Variants in RBM26 observed in about 807,000 individuals in gnomAD.
RBM26 encodes the protein RNA-binding protein 26.
Under a neutral mutation model 123.6 loss-of-function variants are expected in RBM26, and 30 were observed. That is an observed-to-expected ratio of 0.24 (90% CI 0.18 to 0.33). The LOEUF (loss-of-function observed/expected upper bound fraction) is 0.33. Among genes scored for constraint, RBM26 ranks in the 10% least tolerant of loss-of-function variants. The pLI, the probability that RBM26 is intolerant of heterozygous loss-of-function variation, is 1.00. For missense variants in RBM26, 947 were observed against 1,203.6 expected, an observed-to-expected ratio of 0.79 and a Z score of 3.15; for synonymous variants, 400 against 404.4, an observed-to-expected ratio of 0.99 and a Z score of 0.13.
At chr13:79,321,818 C>T (rs1232206035) in intron 21 of RBM26, among the ~76,000 whole-genome samples, 3 of 151,438 alleles carry the variant, frequency 2.0e-5, no homozygotes, top group Non-Finnish European at 3.0e-5. Context: ...CTTTATTCAG[C>T]GTTATCAGTC....
chr13:79,405,607 G>T, intron 1 of RBM26, 97 bp downstream of exon 1: 1 of 756,782 alleles, frequency 1.3e-6, no homozygotes, highest in Non-Finnish European at 2.1e-6. Flanking sequence ...TCACCGCTTC[G>T]GCCTCCACCG....
intron 2 of RBM26, 139 bp downstream of exon 2, chr13:79,378,650 G>A (rs955042891): frequency 5.7e-5 from 26 of 453,360 alleles, no homozygotes; most frequent in African/African-American, 1.0e-4. Flanking sequence ...ATGTTTGCCC[G>A]GCTGGTCTTG....
intron 4 of RBM26, 46 bp from the exon 5 acceptor site, chr13:79,371,208 CA>C: frequency 1.3e-6 from 2 of 1,481,848 alleles, no homozygotes; most frequent in Admixed American, 3.8e-5. Flanking sequence ...TTTTAAGTGA[CA>C]CAGGAAAAAG....
At chr13:79,354,088 A>T (rs1406462834) in intron 13 of RBM26, among the ~76,000 whole-genome samples, 1 of 152,174 alleles carries the variant, frequency 6.6e-6, no homozygotes, top group Admixed American at 6.5e-5. Flanking sequence ...AATTCTAATT[A>T]AGTAAAAAGA....
At chr13:79,365,967 C>T in intron 8 of RBM26, 88 bp downstream of exon 8, 1 of 1,281,094 alleles carries the variant, frequency 7.8e-7, no homozygotes, top group Non-Finnish European at 1.1e-6. Flanking sequence ...GAAAAGTAGT[C>T]CTCACAGAGC....
chr13:79,373,385 A>G (rs1180740471), intron 3 of RBM26, among the ~76,000 whole-genome samples: 1 of 95,192 alleles, frequency 1.1e-5, no homozygotes, highest in African/African-American at 4.3e-5. Flanking sequence ...TATTATATAT[A>G]AATATATATA....
intron 4 of RBM26, 84 bp downstream of exon 4, chr13:79,371,758 G>T: frequency 1.1e-6 from 1 of 937,558 alleles, no homozygotes. Context: ...ACTTGCCTCT[G>T]CGTAAAAGAT....
intron 1 of RBM26, among the ~76,000 whole-genome samples, chr13:79,384,314 G>C (rs983102067): frequency 6.6e-6 from 1 of 151,214 alleles, no homozygotes; most frequent in African/African-American, 2.4e-5. Flanking sequence ...AGGCTGGAGG[G>C]CGGTGGTGCA....
At chr13:79,352,802 G>T (rs924438839) in intron 14 of RBM26, among the ~76,000 whole-genome samples, 7 of 152,100 alleles carry the variant, frequency 4.6e-5, no homozygotes, top group Admixed American at 3.3e-4. Flanking sequence ...AAGAGCCAGG[G>T]CTCAAACTCA....
At chr13:79,341,911 T>A (rs1276295026) in intron 17 of RBM26, among the ~76,000 whole-genome samples, 8 of 151,868 alleles carry the variant, frequency 5.3e-5, no homozygotes, top group Non-Finnish European at 8.9e-5. Context: ...CAGTTCTGAC[T>A]TTACACCTTT....
chr13:79,332,920 T>C (rs566784056), intron 20 of RBM26, among the ~76,000 whole-genome samples: 2 of 152,308 alleles, frequency 1.3e-5, no homozygotes, highest in African/African-American at 4.8e-5. Flanking sequence ...AAGTAGTACA[T>C]ATTTAAAGTT....
chr13:79,366,335 A>G, intron 7 of RBM26, 140 bp from the exon 8 acceptor site: 1 of 985,766 alleles, frequency 1.0e-6, no homozygotes, highest in South Asian at 1.8e-5. Flanking sequence ...TTAGATATCC[A>G]GGGTAAAATA....
chr13:79,385,098 C>G (rs1035871518), intron 1 of RBM26, among the ~76,000 whole-genome samples: 1 of 152,092 alleles, frequency 6.6e-6, no homozygotes, highest in Non-Finnish European at 1.5e-5. Flanking sequence ...CTGTTCTTTC[C>G]AAATTTTCAT....
At chr13:79,364,229 G>C (rs1393327555) in intron 9 of RBM26, among the ~76,000 whole-genome samples, 1 of 152,094 alleles carries the variant, frequency 6.6e-6, no homozygotes, top group East Asian at 1.9e-4. Context: ...TCTAAAAGAG[G>C]ATATAAATCT....
chr13:79,320,268 T>A lies in RBM26; in HGVS notation c.*353A>T, dbSNP rs918464448. 16 of 978,850 alleles carry A rather than the reference T, an allele frequency of 1.6e-5. No individual in the cohort carries two copies. In the African/African-American group the frequency reaches 2.6e-4, roughly 16 times the overall value. 60.6% of individuals were successfully genotyped at this position (978,850 alleles called of 1,614,324 possible). A position where few individuals can be genotyped will look rare whatever the true frequency, so the allele number is the denominator to read the frequency against. ...ATGCAAATTCATTCCTTATTTGGAA[T>A]AAAACAAAGTCCTCTAAGTTATAAC... On this transcript the variant is annotated 3_prime_UTR_variant, in exon 22 of 22. Coordinates refer to ENST00000438737, the MANE Select transcript of RBM26 (RefSeq NM_001366735.2).
chr13:79,382,758 G>A (rs1246082180), intron 1 of RBM26, among the ~76,000 whole-genome samples: 2 of 152,156 alleles, frequency 1.3e-5, no homozygotes, highest in African/African-American at 4.8e-5. Flanking sequence ...ACAGAAAACT[G>A]AGAACTAGAC....
At chr13:79,336,003 T>A (rs1392022275) in intron 19 of RBM26, among the ~76,000 whole-genome samples, 1 of 152,162 alleles carries the variant, frequency 6.6e-6, no homozygotes, top group African/African-American at 2.4e-5. Context: ...CTCCTCATTC[T>A]TAAATACTAA....
At chr13:79,402,594 T>C (rs1052693200) in intron 1 of RBM26, among the ~76,000 whole-genome samples, 3 of 152,154 alleles carry the variant, frequency 2.0e-5, no homozygotes, top group African/African-American at 7.2e-5. Context: ...ACTGCCATTC[T>C]TCTCCTTTGC....
At chr13:79,322,538 C>T (rs1271453373) in intron 20 of RBM26, 76 bp from the exon 21 acceptor site, 2 of 946,634 alleles carry the variant, frequency 2.1e-6, no homozygotes, top group Non-Finnish European at 3.1e-6. Context: ...TAGTGCCTAA[C>T]ATTAAAATTA....
Sources: allele counts gnomAD v4.1 joint callset (sites outside exome capture counted in the v4.1 genomes callset), GRCh38; gene constraint gnomAD v4.1.1; transcripts MANE v1.5; gene names NCBI Gene and HGNC (gene_info 2026-07-23, HGNC 2026-07-21).